Variants in LOC128125814 observed in about 807,000 individuals in gnomAD.
At chr12:57,519,567 T>G in the LOC128125814 span, among the ~76,000 whole-genome samples, 16 of 152,178 alleles carry the variant, frequency 1.1e-4, no homozygotes, top group African/African-American at 2.9e-4. Flanking sequence ...TTGCCCGAAG[T>G]ATTTCTCTGC....
the LOC128125814 span, among the ~76,000 whole-genome samples, chr12:57,518,264 G>C: frequency 6.6e-6 from 1 of 152,124 alleles, no homozygotes; most frequent in Admixed American, 6.6e-5. Context: ...TTGTAGTCCT[G>C]GTTACATAAT....
the LOC128125814 span, chr12:57,517,827 T>G: frequency 9.8e-4 from 420 of 430,094 alleles, 2 homozygotes; most frequent in African/African-American, 8.0e-3. Context: ...TTTCTTTTTT[T>G]CTTTCTTTTT....
At chr12:57,519,700 T>C in the LOC128125814 span, among the ~76,000 whole-genome samples, 3 of 152,210 alleles carry the variant, frequency 2.0e-5, no homozygotes, top group East Asian at 1.9e-4. Flanking sequence ...ATGCAATGGT[T>C]ACACAGAGAT....
the LOC128125814 span, chr12:57,520,360 G>A: frequency 1.0e-5 from 4 of 398,426 alleles, no homozygotes; most frequent in Non-Finnish European, 1.8e-5. Context: ...CCTAAAGAGC[G>A]GACGCCCCAA....
At chr12:57,519,146 A>G in the LOC128125814 span, 1 of 533,386 alleles carries the variant, frequency 1.9e-6, no homozygotes, top group Non-Finnish European at 3.8e-6. Flanking sequence ...TTCACCATAC[A>G]GCAGCCTGAG....
chr12:57,520,355 A>G, the LOC128125814 span: 1 of 398,522 alleles, frequency 2.5e-6, no homozygotes, highest in Non-Finnish European at 4.4e-6. Flanking sequence ...CCGATCCTAA[A>G]GAGCGGACGC....
the LOC128125814 span, chr12:57,517,832 CTT>C: frequency 1.8e-3 from 694 of 378,458 alleles, no homozygotes; most frequent in South Asian, 5.0e-3. Flanking sequence ...TTTTTTCTTT[CTT>C]TTTTTTTTTT....
At chr12:57,518,016 AG>A in the LOC128125814 span, among the ~76,000 whole-genome samples, 1 of 151,968 alleles carries the variant, frequency 6.6e-6, no homozygotes, top group Non-Finnish European at 1.5e-5. Flanking sequence ...TAGCAGAGAT[AG>A]GGTTTCACTA....
the LOC128125814 span, among the ~76,000 whole-genome samples, chr12:57,519,464 G>C: frequency 6.6e-6 from 1 of 152,166 alleles, no homozygotes; most frequent in Admixed American, 6.5e-5. Flanking sequence ...TATTTGTTAA[G>C]AATGAATGGA....
the LOC128125814 span, among the ~76,000 whole-genome samples, chr12:57,518,361 A>T: frequency 6.6e-6 from 1 of 152,238 alleles, no homozygotes; most frequent in Admixed American, 6.5e-5. Context: ...AGGGAAGGGA[A>T]CAAATCATAG....
chr12:57,519,028 A>G, the LOC128125814 span: 8 of 517,202 alleles, frequency 1.5e-5, no homozygotes, highest in South Asian at 1.1e-4. Context: ...TTCTAATTCC[A>G]TTGTTTCCAA....
the LOC128125814 span, among the ~76,000 whole-genome samples, chr12:57,518,439 C>G: frequency 6.6e-6 from 1 of 152,330 alleles, no homozygotes; most frequent in East Asian, 1.9e-4. Flanking sequence ...TGGACCTCTT[C>G]CAGAACTTCA....
chr12:57,518,728 G>C, the LOC128125814 span, among the ~76,000 whole-genome samples: 4 of 152,124 alleles, frequency 2.6e-5, no homozygotes, highest in African/African-American at 9.7e-5. Flanking sequence ...TGGCGCAATC[G>C]GCTCACTGCA....
At chr12:57,520,358 G>A in the LOC128125814 span, 1 of 398,426 alleles carries the variant, frequency 2.5e-6, no homozygotes, top group East Asian at 3.6e-5. Flanking sequence ...ATCCTAAAGA[G>A]CGGACGCCCC....
the LOC128125814 span, among the ~76,000 whole-genome samples, chr12:57,519,456 TTTG>T: frequency 5.9e-5 from 9 of 152,130 alleles, no homozygotes; most frequent in African/African-American, 2.2e-4. Context: ...TCATTAAGTA[TTTG>T]TTAAGAATGA....
At chr12:57,520,184 T>C in the LOC128125814 span, among the ~76,000 whole-genome samples, 6 of 152,174 alleles carry the variant, frequency 3.9e-5, no homozygotes, top group Admixed American at 2.0e-4. Flanking sequence ...CGAGGTCCCT[T>C]TGCCCAGCAG....
At chr12:57,520,294 C>CT in the LOC128125814 span, 7 of 397,178 alleles carry the variant, frequency 1.8e-5, no homozygotes, top group East Asian at 1.8e-4. Context: ...ATAAGGGACT[C>CT]TCCCCATTCC....
chr12:57,518,950 A>G, the LOC128125814 span, among the ~76,000 whole-genome samples: 4 of 152,174 alleles, frequency 2.6e-5, no homozygotes, highest in East Asian at 3.9e-4. Context: ...GTGAGCCACC[A>G]TGCCCGGCCC....
the LOC128125814 span, among the ~76,000 whole-genome samples, chr12:57,518,773 T>C: frequency 0.19 from 29,133 of 152,106 alleles, 3,096 homozygotes; most frequent in East Asian, 0.34. Flanking sequence ...ATTCTCCTGC[T>C]TCAGCCTCCG....
Sources: allele counts gnomAD v4.1 joint callset (sites outside exome capture counted in the v4.1 genomes callset), GRCh38; gene constraint gnomAD v4.1.1; transcripts MANE v1.5.